The following PTGR1 variants were observed in gnomAD, a reference collection of about 807,000 sequenced individuals.
The protein encoded by PTGR1 is 15-oxoprostaglandin 13-reductase.
A neutral mutation model predicts 37.7 loss-of-function variants in PTGR1; 23 were observed. The observed-to-expected ratio is 0.61, with a 90% CI of 0.44 to 0.86. The LOEUF is 0.86. PTGR1 is among the 40% of genes least tolerant of loss of function. The pLI is 0.00. For missense variants in PTGR1, 351 were observed against 394.3 expected (o/e 0.89, Z 0.93); for synonymous variants, 134 against 140.0 (o/e 0.96, Z 0.30).
intron 5 of PTGR1, among the ~76,000 whole-genome samples, 172 bp from the exon 6 acceptor site, chr9:111,583,761 C>T (rs10980952): frequency 0.043 from 6,607 of 152,196 alleles, 184 homozygotes; most frequent in South Asian, 0.057. Flanking sequence ...TCCATCTCTA[C>T]TGTCAGATAG....
chr9:111,567,362 AT>A (rs759157529), intron 9 of PTGR1, among the ~76,000 whole-genome samples: 1 of 152,024 alleles, frequency 6.6e-6, no homozygotes, highest in Non-Finnish European at 1.5e-5. Context: ...TAATTTTTGT[AT>A]TTTTAGTAGA....
At position 111,562,894 on chromosome 9, in the gene PTGR1, T is replaced by G; in HGVS notation, c.*227A>C. 1 of 1,257,506 alleles carries G rather than the reference T, an allele frequency of 8.0e-7. No homozygotes were observed. The highest frequency in any genetic ancestry group is 1.0e-6 in the Non-Finnish European group (1 of 979,702). 77.9% of individuals were successfully genotyped at this position (1,257,506 alleles called of 1,614,324 possible). A position where few individuals can be genotyped will look rare whatever the true frequency, so the allele number is the denominator to read the frequency against. On this transcript the variant is annotated 3_prime_UTR_variant, in exon 10 of 10. Transcript: ENST00000407693. The stretch of plus-strand genomic sequence containing the variant: ...CAAAGCCATTATTTTCTACCACAAC[T>G]CAGAAGAAGCTGTAGTGAACAGTGA...
Position 111,570,190 on chromosome 9 carries a change from A to G in PTGR1, c.780T>C (p.Val260=), listed in dbSNP as rs1482035967. The G allele has an allele frequency of 6.2e-7, 1 of 1,613,796 alleles. No individual in the cohort carries two copies. Among genetic ancestry groups the G allele is most frequent in the African/African-American group, 1.3e-5 (1 of 74,890 alleles). Residue 260 remains valine (V), a synonymous_variant, in exon 9 of 10, where the codon GTT becomes GTC. Coordinates refer to ENST00000407693, the MANE Select transcript of PTGR1 (RefSeq NM_001146108.2). The part of the protein sequence containing the change: ...PLPPGPPPEI[V]IYQELRMEAF... ...CTTCCATGCGAAGCTCCTGATAGATAACAATCTCTGGGGGTGGGCCTGTGA... is the reference window on the plus strand; with the variant it reads ...CTTCCATGCGAAGCTCCTGATAGATGACAATCTCTGGGGGTGGGCCTGTGA...
chr9:111,550,740 G>GT lies in PTGR1; in HGVS notation c.880-942dup, dbSNP rs527816157. ...AGCTCTACTATTAAATGTTGTGAAT[G>GT]TTTTTATCTCTGCTGTCATATTTTT... On this transcript the variant is annotated intron_variant, in intron 9 of 9. Transcript: ENST00000538962. Among the ~76,000 whole-genome samples the GT allele has an allele frequency of 1.9e-4, 29 of 152,246 alleles. No homozygotes were observed. The East Asian group carries it at 4.8e-3, about 25-fold the overall frequency.
chr9:111,572,613 C>A (rs1828868776), intron 8 of PTGR1, among the ~76,000 whole-genome samples: 2 of 150,178 alleles, frequency 1.3e-5, no homozygotes, highest in East Asian at 3.9e-4. Context: ...AAACAATAGC[C>A]AGGTATGGTG....
chr9:111,564,495 G>A (rs1339973024), intron 9 of PTGR1, among the ~76,000 whole-genome samples: 2 of 151,400 alleles, frequency 1.3e-5, no homozygotes, highest in Non-Finnish European at 2.9e-5. Flanking sequence ...TTGTAGAGAC[G>A]GGGTCTTGCT....
intron 7 of PTGR1, chr9:111,576,648 G>A: frequency 2.0e-6 from 1 of 495,724 alleles, no homozygotes; most frequent in Non-Finnish European, 3.6e-6. Context: ...AAGGATTTCA[G>A]ATTATAGTCT....
chr9:111,560,631 CATCTCAAAAAAAAAAAAAAAAAAAA>C (rs1049665180), downstream of PTGR1, among the ~76,000 whole-genome samples: 1 of 82,216 alleles, frequency 1.2e-5, no homozygotes, highest in African/African-American at 5.8e-5. Context: ...ACAGAGACAC[CATCTCAAAAAAAAAAAAAAAAAAAA>C]AAAGGCACCA....
chr9:111,581,642 T>C (rs1829283667), intron 6 of PTGR1, among the ~76,000 whole-genome samples: 1 of 152,186 alleles, frequency 6.6e-6, no homozygotes, highest in Non-Finnish European at 1.5e-5. Flanking sequence ...CTTTGAATTT[T>C]TTTTTTTAAT....
intron 6 of PTGR1, among the ~76,000 whole-genome samples, chr9:111,582,073 T>C (rs1427108108): frequency 6.6e-6 from 1 of 151,906 alleles, no homozygotes; most frequent in Non-Finnish European, 1.5e-5. Context: ...TCTCAGTAAT[T>C]AGAGAAAAAA....
intron 1 of PTGR1, among the ~76,000 whole-genome samples, chr9:111,597,942 A>G (rs979894417): frequency 6.6e-6 from 1 of 152,106 alleles, no homozygotes; most frequent in Non-Finnish European, 1.5e-5. Flanking sequence ...GCAGTCTCAG[A>G]ACTCCTGAAA....
intron 6 of PTGR1, among the ~76,000 whole-genome samples, chr9:111,580,976 C>A (rs1250143649): frequency 6.6e-6 from 1 of 152,144 alleles, no homozygotes; most frequent in East Asian, 1.9e-4. Flanking sequence ...ATGGCAGTCT[C>A]CAGTGGAATT....
At chr9:111,564,019 G>A (rs1216435536) in intron 9 of PTGR1, 1 of 167,546 alleles carries the variant, frequency 6.0e-6, no homozygotes, top group Admixed American at 6.5e-5. Flanking sequence ...CCTTTATCTG[G>A]GAGTGTGGGA....
chr9:111,590,850 T>C (rs1035834803), intron 4 of PTGR1, among the ~76,000 whole-genome samples: 10 of 152,142 alleles, frequency 6.6e-5, no homozygotes, highest in Non-Finnish European at 1.2e-4. Flanking sequence ...ATAGAAAAAA[T>C]TGAAAACAGT....
intron 6 of PTGR1, among the ~76,000 whole-genome samples, chr9:111,582,142 T>C (rs1554819002): frequency 6.6e-6 from 1 of 152,048 alleles, no homozygotes; most frequent in Non-Finnish European, 1.5e-5. Context: ...AGTAAGATAA[T>C]ATAAATATGA....
chr9:111,573,921 A>G (rs533588127), intron 8 of PTGR1, among the ~76,000 whole-genome samples: 1 of 152,288 alleles, frequency 6.6e-6, no homozygotes, highest in East Asian at 1.9e-4. Flanking sequence ...GAAATAAAAC[A>G]AGGACAATCA....
downstream of PTGR1, among the ~76,000 whole-genome samples, chr9:111,560,157 C>A (rs545445401): frequency 2.6e-5 from 4 of 151,760 alleles, no homozygotes; most frequent in South Asian, 8.3e-4. Flanking sequence ...ACCAGCCTGG[C>A]CAACATGGCA....
downstream of PTGR1, among the ~76,000 whole-genome samples, chr9:111,558,672 C>A (rs78582834): frequency 4.8e-3 from 727 of 152,252 alleles, 11 homozygotes; most frequent in African/African-American, 0.017. Flanking sequence ...TACTTTCAGG[C>A]CCTCTTAGTG....
intron 4 of PTGR1, among the ~76,000 whole-genome samples, chr9:111,591,722 CA>C (rs1419500091): frequency 6.6e-6 from 1 of 152,118 alleles, no homozygotes; most frequent in Non-Finnish European, 1.5e-5. Context: ...GTTCAGATGA[CA>C]GGGGAACTTT....
Sources: allele counts gnomAD v4.1 joint callset (sites outside exome capture counted in the v4.1 genomes callset), GRCh38; gene constraint gnomAD v4.1.1; transcripts MANE v1.5; gene names NCBI Gene and HGNC (gene_info 2026-07-23, HGNC 2026-07-21).